CENPF: variants seen among roughly 807,000 people sequenced by gnomAD.
The protein encoded by CENPF is AH antigen.
Under a neutral mutation model 307.3 loss-of-function variants are expected in CENPF, and 214 were observed. The observed-to-expected ratio is 0.70, with a 90% CI of 0.62 to 0.78. CENPF has a LOEUF of 0.78. Ranked by LOEUF, CENPF falls within the 30% of genes least tolerant of loss-of-function variation. The pLI, the probability that CENPF is intolerant of heterozygous loss-of-function variation, is 0.00. For missense variants in CENPF, 3,401 were observed against 3,483.9 expected (o/e 0.98, Z 0.60); for synonymous variants, 1,259 against 1,270.6 (o/e 0.99, Z 0.19).
intron 16 of CENPF, 90 bp downstream of exon 16, chr1:214,653,079 C>G (rs765373135): frequency 7.8e-7 from 1 of 1,278,676 alleles, no homozygotes. Context: ...TTTTCATTTT[C>G]ATTTTATGAA....
In CENPF at chr1:214,620,817, T is replaced by G; in HGVS notation, c.736T>G (p.Phe246Val). The G allele has an allele frequency of 1.9e-6, 3 of 1,614,186 alleles. No homozygotes were observed. Among genetic ancestry groups the G allele is most frequent in the Non-Finnish European group, 2.5e-6 (3 of 1,180,034 alleles). ...PIRRDFSASY[F>V]SGEQEVTPSR... ...TAGGAGAGATTTCTCTGCATCTTAC[T>G]TTTCTGGGGAACAAGAGGTGACTCC... is the stretch of plus-strand genomic sequence containing the variant. The change falls in exon 6 of 20, where the codon TTT (phenylalanine) becomes GTT (valine). Residue 246 changes from phenylalanine (F) to valine (V), a missense_variant. Phe to Val is a conservative substitution (Grantham distance 50). Coordinates refer to ENST00000366955, the MANE Select transcript of CENPF (RefSeq NM_016343.4).
Position 214,643,012 on chromosome 1 carries a change from G to A in CENPF, c.4674G>A (p.Val1558=), listed in dbSNP as rs1658175443. The change falls in exon 12 of 20, where the codon GTG becomes GTA. Residue 1558 remains valine (V), a synonymous_variant. Coordinates refer to ENST00000366955, the MANE Select transcript of CENPF (RefSeq NM_016343.4). The part of the protein sequence containing the change: ...GVEELESLCE[V]YRQSLEKLEE... ...AAGAGCTTGAGTCCCTCTGTGAGGT[G>A]TACCGGCAGTCCCTCGAGAAGCTAG... 6 of 1,609,044 alleles carry A rather than the reference G, an allele frequency of 3.7e-6. No homozygotes were observed. The highest frequency in any genetic ancestry group is 5.1e-6 in the Non-Finnish European group (6 of 1,178,624).
At position 214,640,133 on chromosome 1, in the gene CENPF, C is replaced by T. The variant is rs1455984728; in HGVS notation, c.1795C>T (p.Leu599=). 4 of 1,585,588 alleles carry T rather than the reference C, an allele frequency of 2.5e-6. No individual in the cohort carries two copies. The highest frequency in any genetic ancestry group is 3.4e-6 in the Non-Finnish European group (4 of 1,172,222). ...SKTEKESKAL[L]SALELKKKEY... ...GACAGAGAAAGAGTCCAAAGCCTTG[C>T]TGAGTGCTTTAGAGTTAAAAAAGAA... Residue 599 remains leucine, a synonymous_variant, in exon 12 of 20, where the codon CTG becomes TTG. Transcript: ENST00000366955.
chr1:214,641,311 G>T lies in CENPF; in HGVS notation c.2973G>T (p.Met991Ile). ...ATGCATCCTTAAATCAAGAGAAGAT[G>T]AACTTAATCCAGAAAAGTGAGAGTT... Reference protein sequence around the residue: ...EINASLNQEKMNLIQKSESFA... With the variant: ...EINASLNQEKINLIQKSESFA... Residue 991 changes from methionine to isoleucine, a missense_variant, in exon 12 of 20, where the codon ATG becomes ATT. Physicochemically the swap from Met to Ile is conservative, Grantham distance 10 (BLOSUM62 1). Transcript: ENST00000366955. The T allele has an allele frequency of 1.2e-6, 2 of 1,609,892 alleles. No homozygotes were observed. The highest frequency in any genetic ancestry group is 1.1e-5 in the South Asian group (1 of 89,600).
chr1:214,608,196 T>C (rs985914333), intron 1 of CENPF: 63 of 1,064,354 alleles, frequency 5.9e-5, no homozygotes, highest in Middle Eastern at 5.5e-4. Flanking sequence ...GTGCATCCAC[T>C]GTGGCTCCCC....
chr1:214,638,688 C>T (rs182132917), intron 11 of CENPF, among the ~76,000 whole-genome samples: 173 of 152,172 alleles, frequency 1.1e-3, no homozygotes, highest in Non-Finnish European at 2.1e-3. Flanking sequence ...GGTGTGGTGG[C>T]GGGTGCCTGT....
intron 10 of CENPF, among the ~76,000 whole-genome samples, chr1:214,636,262 CATT>C: frequency 6.6e-6 from 1 of 152,298 alleles, no homozygotes; most frequent in South Asian, 2.1e-4. Flanking sequence ...ACAAACCAGT[CATT>C]ATACGTTCCA....
Position 214,645,637 on chromosome 1 carries a change from G to A in CENPF, c.6067G>A (p.Val2023Met). The change falls in exon 13 of 20, where the codon GTG becomes ATG. Residue 2023 changes from valine (V) to methionine (M), a missense_variant. Coordinates refer to ENST00000366955, the MANE Select transcript of CENPF (RefSeq NM_016343.4). The stretch of plus-strand genomic sequence containing the variant: ...ACTCCTTCAGACTTTGTCCTCTGAT[G>A]TGAGTGAGCTGTTAAAAGACAAAAC... ...TELLQTLSSD[V>M]SELLKDKTHL... is the part of the protein sequence containing the mutation. 3 of 1,614,202 alleles carry A rather than the reference G, an allele frequency of 1.9e-6. No homozygotes were observed. Among genetic ancestry groups the A allele is most frequent in the South Asian group, 1.1e-5 (1 of 91,086 alleles).
chr1:214,607,290 G>A (rs1657062682), intron 1 of CENPF, among the ~76,000 whole-genome samples: 1 of 152,182 alleles, frequency 6.6e-6, no homozygotes, highest in African/African-American at 2.4e-5. Context: ...CACAGCTCTG[G>A]GCCTAGGTTC....
At chr1:214,663,471 T>A in intron 19 of CENPF, 120 bp from the exon 20 acceptor site, 1 of 973,360 alleles carries the variant, frequency 1.0e-6, no homozygotes, top group Non-Finnish European at 1.5e-6. Context: ...AATACTTCAA[T>A]TATATATAAC....
intron 5 of CENPF, among the ~76,000 whole-genome samples, chr1:214,620,225 A>G (rs1202623082): frequency 6.6e-6 from 1 of 152,214 alleles, no homozygotes; most frequent in Non-Finnish European, 1.5e-5. Context: ...ATATGGTGGA[A>G]TGTGAGATTT....
intron 19 of CENPF, among the ~76,000 whole-genome samples, chr1:214,660,907 T>C (rs889503085): frequency 2.0e-5 from 3 of 152,216 alleles, no homozygotes; most frequent in Admixed American, 6.5e-5. Flanking sequence ...AAATATTCAC[T>C]GAATGAATGG....
chr1:214,615,777 A>G (rs547101481), intron 3 of CENPF, among the ~76,000 whole-genome samples: 1 of 152,220 alleles, frequency 6.6e-6, no homozygotes, highest in South Asian at 2.1e-4. Context: ...CCTCTCTACT[A>G]AAAATACAAA....
chr1:214,645,516 A>G lies in CENPF; in HGVS notation c.5946A>G (p.Glu1982=). 1.2e-6 allele frequency: 2 copies of G among 1,614,168 alleles called. No homozygotes were observed. The highest frequency in any genetic ancestry group is 1.7e-6 in the Non-Finnish European group (2 of 1,180,024). ...CCACGGCACTGGATCAGTTGTCTGA[A>G]AAAATGAAGGAGAAAACACAAGAGC... ...KKTTALDQLS[E]KMKEKTQELE... Residue 1982 remains glutamate (E), a synonymous_variant, in exon 13 of 20, where the codon GAA becomes GAG. Coordinates refer to ENST00000366955, the MANE Select transcript of CENPF (RefSeq NM_016343.4).
At chr1:214,611,217 A>G (rs1657192445) in intron 1 of CENPF, among the ~76,000 whole-genome samples, 1 of 152,154 alleles carries the variant, frequency 6.6e-6, no homozygotes, top group Non-Finnish European at 1.5e-5. Context: ...TTCTGTGAAC[A>G]ATGTCTTTGG....
At chr1:214,625,110 C>G (rs988897700) in intron 7 of CENPF, among the ~76,000 whole-genome samples, 3 of 152,060 alleles carry the variant, frequency 2.0e-5, no homozygotes, top group African/African-American at 7.2e-5. Flanking sequence ...TGATTGTTAG[C>G]ATGATGTATT....
At chr1:214,651,248 G>T (rs1658453207) in intron 14 of CENPF, among the ~76,000 whole-genome samples, 1 of 152,200 alleles carries the variant, frequency 6.6e-6, no homozygotes. Flanking sequence ...TGGGGCAAAA[G>T]ATTGGAGGGC....
intron 1 of CENPF, among the ~76,000 whole-genome samples, chr1:214,610,369 A>G (rs1320796128): frequency 1.3e-5 from 2 of 152,050 alleles, no homozygotes; most frequent in Admixed American, 6.5e-5. Flanking sequence ...TAACTTTTTA[A>G]TCATAGCCAT....
In CENPF at chr1:214,640,478, C is replaced by T; in HGVS notation, c.2140C>T (p.His714Tyr). 1 of 1,614,056 alleles carries T rather than the reference C, an allele frequency of 6.2e-7. No homozygotes were observed. Among genetic ancestry groups the T allele is most frequent in the Non-Finnish European group, 8.5e-7 (1 of 1,179,976 alleles). Reference protein sequence around the residue: ...QQKAEFSDQKHQKEIENMCLK... With the variant: ...QQKAEFSDQKYQKEIENMCLK... The stretch of plus-strand genomic sequence containing the variant: ...GAAAGCTGAGTTCTCAGATCAGAAA[C>T]ATCAGAAGGAAATAGAAAATATGTG... The change falls in exon 12 of 20, where the codon CAT becomes TAT. Residue 714 changes from histidine (H) to tyrosine (Y), a missense_variant. Transcript: ENST00000366955.
Sources: gnomAD v4.1 joint callset for allele counts (sites outside exome capture counted in the v4.1 genomes callset) on GRCh38, gnomAD v4.1.1 for gene constraint, MANE v1.5 for transcripts, NCBI Gene and HGNC (gene_info 2026-07-23, HGNC 2026-07-21) for gene names.